The following LRRC58 variants were observed in gnomAD, a reference collection of about 807,000 sequenced individuals.
LRRC58 encodes the protein leucine-rich repeat-containing protein 58.
Under a neutral mutation model 30.6 loss-of-function variants are expected in LRRC58, and 18 were observed. That is an observed-to-expected ratio of 0.59 (90% confidence interval 0.41 to 0.87). The LOEUF is 0.87. LRRC58 is among the 40% of genes least tolerant of loss of function. The pLI, the probability that LRRC58 is intolerant of heterozygous loss-of-function variation, is 0.00. For synonymous variants in LRRC58, 221 were observed against 206.0 expected (o/e 1.07, Z -0.62); for missense variants, 420 against 468.4 (o/e 0.90, Z 0.95).
intron 1 of LRRC58, among the ~76,000 whole-genome samples, chr3:120,337,449 C>A (rs1287425964): frequency 6.6e-6 from 1 of 152,078 alleles, no homozygotes; most frequent in African/African-American, 2.4e-5. Context: ...TATCATTTAT[C>A]TATTTTTCTC....
intron 1 of LRRC58, among the ~76,000 whole-genome samples, chr3:120,347,581 C>CG (rs1559996628): frequency 6.6e-6 from 1 of 150,426 alleles, no homozygotes; most frequent in East Asian, 1.9e-4. Flanking sequence ...TTAGTAGAGA[C>CG]GGGGTTTCAC....
chr3:120,338,609 C>G (rs1028430770), intron 1 of LRRC58, among the ~76,000 whole-genome samples: 4 of 152,198 alleles, frequency 2.6e-5, no homozygotes, highest in African/African-American at 9.7e-5. Flanking sequence ...GAACAGAGAT[C>G]TAAATGACTG....
In LRRC58 at chr3:120,330,961, C is replaced by G; in HGVS notation, c.*239G>C. The G allele has an allele frequency of 2.1e-6, 1 of 485,006 alleles. No individual in the cohort carries two copies. Among genetic ancestry groups the G allele is most frequent in the Non-Finnish European group, 3.7e-6 (1 of 267,762 alleles). The allele number at this position is 485,006 out of a possible 1,614,324, so 30.0% of individuals were successfully genotyped here. A position where few individuals can be genotyped will look rare whatever the true frequency, so the allele number is the denominator to read the frequency against. On this transcript the variant is annotated 3_prime_UTR_variant, in exon 4 of 4. Transcript: ENST00000295628. ...TCATGCAAAACTTGAGTGAAAACTGCAAACCATCAGCCAAATGTGAAACTA... is the reference window on the plus strand; with the variant it reads ...TCATGCAAAACTTGAGTGAAAACTGGAAACCATCAGCCAAATGTGAAACTA...
intron 1 of LRRC58, among the ~76,000 whole-genome samples, chr3:120,342,287 G>A (rs537523702): frequency 1.3e-5 from 2 of 152,170 alleles, no homozygotes; most frequent in African/African-American, 2.4e-5. Flanking sequence ...GCCTCTCCCC[G>A]CCTGCCCATG....
At chr3:120,334,836 G>GAAACATGA (rs1260981661) in intron 3 of LRRC58, 26 bp downstream of exon 3, 1 of 1,567,454 alleles carries the variant, frequency 6.4e-7, no homozygotes, top group East Asian at 2.3e-5. Context: ...AAATAAGTGG[G>GAAACATGA]AAACATGAAT....
Position 120,331,412 on chromosome 3 carries a change from A to AGAGTCCTTTAGACTTCTCTTT in LRRC58, c.908-5_908-4insAAAGAGAAGTCTAAAGGACTC. The AGAGTCCTTTAGACTTCTCTTT allele has an allele frequency of 6.2e-7, 1 of 1,606,434 alleles. No homozygotes were observed. Among genetic ancestry groups the AGAGTCCTTTAGACTTCTCTTT allele is most frequent in the Non-Finnish European group, 8.5e-7 (1 of 1,173,132 alleles). On this transcript the variant is annotated splice_polypyrimidine_tract_variant and splice_region_variant and intron_variant, in intron 3 of 3. Coordinates refer to ENST00000295628, the MANE Select transcript of LRRC58 (RefSeq NM_001099678.2). ...ACACAGCAGTCAAAGTAGACTCCTAAAGAGAAGAAGGAATAGAAAGTAATC... is the reference window on the plus strand; with the variant it reads ...ACACAGCAGTCAAAGTAGACTCCTAAGAGTCCTTTAGACTTCTCTTTAGAGAAGAAGGAATAGAAAGTAATC...
chr3:120,331,425 A>G lies in LRRC58; in HGVS notation c.908-17T>C. On this transcript the variant is annotated splice_polypyrimidine_tract_variant and intron_variant, in intron 3 of 3. Transcript: ENST00000295628. The stretch of plus-strand genomic sequence containing the variant: ...AGTAGACTCCTAAAGAGAAGAAGGA[A>G]TAGAAAGTAATCATTACAAAGCAAG... The G allele has an allele frequency of 1.3e-6, 2 of 1,578,176 alleles. No homozygotes were observed. Among genetic ancestry groups the G allele is most frequent in the Non-Finnish European group, 1.7e-6 (2 of 1,147,696 alleles).
chr3:120,336,042 A>C, intron 1 of LRRC58, 89 bp from the exon 2 acceptor site: 2 of 897,816 alleles, frequency 2.2e-6, no homozygotes. Context: ...CGTTTCATCT[A>C]TTCATTCAGC....
In LRRC58 at chr3:120,325,633, TAGAA is replaced by T. The variant is rs1355558009; in HGVS notation, c.*5563_*5566del. 7.2e-5 allele frequency: 11 copies of T among 152,132 alleles called. No homozygotes were observed. The highest frequency in any genetic ancestry group is 1.5e-4 in the Non-Finnish European group (10 of 68,006). 9.4% of individuals were successfully genotyped at this position (152,132 alleles called of 1,614,324 possible). A position where few individuals can be genotyped will look rare whatever the true frequency, so the allele number is the denominator to read the frequency against. On this transcript the variant is annotated 3_prime_UTR_variant, in exon 4 of 4. Transcript: ENST00000295628. The stretch of plus-strand genomic sequence containing the variant: ...TTAGTAAATATAGACCAAGAAGAGA[TAGAA>T]AAAGAATGGGAGATATTTACATACA...
Position 120,325,250 on chromosome 3 carries a change from A to G in LRRC58, c.*5950T>C, listed in dbSNP as rs1440323645. 1.3e-5 allele frequency: 2 copies of G among 152,190 alleles called. No individual in the cohort carries two copies. Among genetic ancestry groups the G allele is most frequent in the African/African-American group, 4.8e-5 (2 of 41,444 alleles). The allele number at this position is 152,190 out of a possible 1,614,324, so 9.4% of individuals were successfully genotyped here. Reference sequence around the variant, plus strand: ...CATAAGCGGTAGACATAATTAACCAATTTAGTCATGTTTTTGCAATACTGC... The same window carrying G: ...CATAAGCGGTAGACATAATTAACCAGTTTAGTCATGTTTTTGCAATACTGC... On this transcript the variant is annotated 3_prime_UTR_variant, in exon 4 of 4. Coordinates refer to ENST00000295628, the MANE Select transcript of LRRC58 (RefSeq NM_001099678.2).
chr3:120,327,277 A>T lies in LRRC58; in HGVS notation c.*3923T>A, dbSNP rs1234044607. 1.2e-5 allele frequency: 1 copy of T among 86,706 alleles called. No individual in the cohort carries two copies. 5.4% of individuals were successfully genotyped at this position (86,706 alleles called of 1,614,324 possible). ...TTTTTTTTTTTTTTTTTTGAGACGGAGTCTCGCTCTGTGGCCCAGGCGGGA... is the reference window on the plus strand; with the variant it reads ...TTTTTTTTTTTTTTTTTTGAGACGGTGTCTCGCTCTGTGGCCCAGGCGGGA... On this transcript the variant is annotated 3_prime_UTR_variant, in exon 4 of 4. Transcript: ENST00000295628.
rs1328409497 is a variant in LRRC58, at chr3:120,329,441, T to C, written c.*1759A>G. 5.3e-5 allele frequency: 8 copies of C among 152,044 alleles called. No homozygotes were observed. Among genetic ancestry groups the C allele is most frequent in the East Asian group, 1.9e-4 (1 of 5,198 alleles). 9.4% of individuals were successfully genotyped at this position (152,044 alleles called of 1,614,324 possible). On this transcript the variant is annotated 3_prime_UTR_variant, in exon 4 of 4. Coordinates refer to ENST00000295628, the MANE Select transcript of LRRC58 (RefSeq NM_001099678.2). ...ACATATTAGATTACCTCTATAGACA[T>C]AGAAAATTTCTGAGTCAAAAGGAAA...
At position 120,335,071 on chromosome 3, in the gene LRRC58, T is replaced by C. The variant is rs376740242; in HGVS notation, c.698A>G (p.Asn233Ser). 7 of 1,613,892 alleles carry C rather than the reference T, an allele frequency of 4.3e-6. No individual in the cohort carries two copies. Among genetic ancestry groups the C allele is most frequent in the African/African-American group, 4.0e-5 (3 of 74,958 alleles). The change falls in exon 3 of 4, where the codon AAC becomes AGC. Residue 233 changes from asparagine (N) to serine (S), a missense_variant. Asn to Ser is a conservative substitution (Grantham distance 46). Around this residue, in one of 2 missense-constraint regions of LRRC58, gnomAD observed 154 missense variants for 216.8 expected, o/e 0.71. Transcript: ENST00000295628. The stretch of plus-strand genomic sequence containing the variant: ...ACTCAACTCTTCCAAATGAATAAGG[T>C]TGAGGATCTCTCGAGGCAGATATGT... ...LLTYLPREIL[N>S]LIHLEELSLR...
intron 1 of LRRC58, among the ~76,000 whole-genome samples, chr3:120,346,319 C>A (rs907050733): frequency 2.6e-5 from 4 of 152,060 alleles, no homozygotes; most frequent in African/African-American, 9.7e-5. Context: ...CCTCCAACCC[C>A]CCAACAAAGA....
Position 120,327,656 on chromosome 3 carries a change from CATT to C in LRRC58, c.*3541_*3543del, listed in dbSNP as rs1935700094. ...AGAACTGGTGTGCAGTATTACAAAA[CATT>C]ATTGTGGACTGCTTTTTACTTTAAT... On this transcript the variant is annotated 3_prime_UTR_variant, in exon 4 of 4. Coordinates refer to ENST00000295628, the MANE Select transcript of LRRC58 (RefSeq NM_001099678.2). The C allele has an allele frequency of 6.6e-6, 1 of 152,154 alleles. No homozygotes were observed. The highest frequency in any genetic ancestry group is 2.4e-5 in the African/African-American group (1 of 41,430). 9.4% of individuals were successfully genotyped at this position (152,154 alleles called of 1,614,324 possible).
chr3:120,341,874 C>G (rs1935908472), intron 1 of LRRC58, among the ~76,000 whole-genome samples: 1 of 152,042 alleles, frequency 6.6e-6, no homozygotes, highest in African/African-American at 2.4e-5. Flanking sequence ...GCTACAGCCA[C>G]CTAAACTGCA....
At chr3:120,343,887 A>C (rs1227010133) in intron 1 of LRRC58, among the ~76,000 whole-genome samples, 1 of 152,110 alleles carries the variant, frequency 6.6e-6, no homozygotes, top group African/African-American at 2.4e-5. Flanking sequence ...ATTTAAAAAA[A>C]AATTAGCCTG....
At chr3:120,347,671 G>T (rs963590041) in intron 1 of LRRC58, among the ~76,000 whole-genome samples, 3 of 151,962 alleles carry the variant, frequency 2.0e-5, no homozygotes, top group Non-Finnish European at 4.4e-5. Flanking sequence ...GATTACAGGC[G>T]TGAGCCACCG....
At chr3:120,341,362 T>C (rs563369361) in intron 1 of LRRC58, among the ~76,000 whole-genome samples, 6 of 152,134 alleles carry the variant, frequency 3.9e-5, no homozygotes, top group Non-Finnish European at 7.4e-5. Flanking sequence ...TCAAAGTCCT[T>C]TTTACAAAGG....
Sources: gnomAD v4.1 joint callset for allele counts (sites outside exome capture counted in the v4.1 genomes callset) on GRCh38, gnomAD v4.1.1 for gene constraint, gnomAD v4.1.1 regional missense constraint, MANE v1.5 for transcripts, NCBI Gene and HGNC (gene_info 2026-07-23, HGNC 2026-07-21) for gene names.